The following LRRTM3 variants were observed in gnomAD, a reference collection of about 807,000 sequenced individuals.
LRRTM3 encodes leucine-rich repeat transmembrane neuronal protein 3.
A neutral mutation model predicts 44.7 loss-of-function variants in LRRTM3; 24 were observed. The observed-to-expected ratio is 0.54, with a 90% CI of 0.39 to 0.76. The LOEUF is 0.76. Ranked by LOEUF, LRRTM3 falls within the 30% of genes least tolerant of loss-of-function variation. The probability of loss-of-function intolerance (pLI) is 0.00; values close to 1 mark genes in which losing one functional copy is unlikely to be tolerated. For synonymous variants in LRRTM3, 277 were observed against 278.7 expected (o/e 0.99, Z 0.06); for missense variants, 587 against 702.2 (o/e 0.84, Z 1.85).
intron 2 of LRRTM3, among the ~76,000 whole-genome samples, chr10:67,022,749 AAC>A (rs1312530745): frequency 1.3e-5 from 2 of 152,066 alleles, no homozygotes; most frequent in Admixed American, 1.3e-4. Flanking sequence ...CATCCTGACT[AAC>A]ACAGTGAAAC....
chr10:66,970,502 T>TGGGGGGGGGG (rs11367465), intron 2 of LRRTM3, among the ~76,000 whole-genome samples: 2 of 138,514 alleles, frequency 1.4e-5, no homozygotes, highest in African/African-American at 2.6e-5. Context: ...TATTCTTGGG[T>TGGGGGGGGGG]GGGGGGGGGA....
At chr10:67,042,672 A>C (rs1854477192) in intron 2 of LRRTM3, among the ~76,000 whole-genome samples, 2 of 152,030 alleles carry the variant, frequency 1.3e-5, no homozygotes, top group African/African-American at 4.8e-5. Context: ...AGGAAAGGTA[A>C]GAGTGGGGAA....
At chr10:67,070,724 C>G (rs1856400915) in intron 2 of LRRTM3, among the ~76,000 whole-genome samples, 2 of 150,162 alleles carry the variant, frequency 1.3e-5, no homozygotes, top group Admixed American at 1.3e-4. Flanking sequence ...TCCAGCCTGG[C>G]AACAGAGCAA....
chr10:66,933,824 T>C (rs771778637), intron 2 of LRRTM3, among the ~76,000 whole-genome samples: 24 of 152,190 alleles, frequency 1.6e-4, no homozygotes, highest in Non-Finnish European at 3.1e-4. Flanking sequence ...CTCCGCTGGA[T>C]GTAGCTGCTC....
At chr10:67,091,695 T>C (rs1267568397) in intron 2 of LRRTM3, among the ~76,000 whole-genome samples, 1 of 151,672 alleles carries the variant, frequency 6.6e-6, no homozygotes, top group Non-Finnish European at 1.5e-5. Flanking sequence ...GTAACAGAGA[T>C]GAGAGATGTG....
intron 2 of LRRTM3, 64 bp from the exon 3 acceptor site, chr10:67,097,523 A>G (rs1858077645): frequency 6.9e-7 from 1 of 1,456,212 alleles, no homozygotes; most frequent in African/African-American, 1.4e-5. Context: ...TTCAGTCTCT[A>G]AATCTTTCCC....
In LRRTM3 at chr10:67,097,833, T is replaced by G. The variant is rs910431491; in HGVS notation, c.*37T>G. 6.3e-7 allele frequency: 1 copy of G among 1,590,770 alleles called. No homozygotes were observed. The highest frequency in any genetic ancestry group is 1.1e-5 in the South Asian group (1 of 90,480). Reference sequence around the variant, plus strand: ...GGTAGCCAGGGGTTGCTACCAAACTTTGTAACCTCAAGGACAAAATGAGGA... The same window carrying G: ...GGTAGCCAGGGGTTGCTACCAAACTGTGTAACCTCAAGGACAAAATGAGGA... On this transcript the variant is annotated 3_prime_UTR_variant, in exon 3 of 3. Transcript: ENST00000361320.
intron 2 of LRRTM3, among the ~76,000 whole-genome samples, chr10:67,050,202 C>T (rs1029703743): frequency 2.0e-5 from 3 of 152,206 alleles, no homozygotes; most frequent in Non-Finnish European, 4.4e-5. Flanking sequence ...GAAGAATCTG[C>T]AATGCAGATA....
chr10:67,086,468 G>T (rs992278079), intron 2 of LRRTM3, among the ~76,000 whole-genome samples: 1 of 151,990 alleles, frequency 6.6e-6, no homozygotes, highest in Non-Finnish European at 1.5e-5. Flanking sequence ...AAGCCTGTTT[G>T]GATGTCAGCT....
intron 2 of LRRTM3, chr10:67,012,918 C>T (rs550200028): frequency 2.0e-4 from 31 of 152,150 alleles, no homozygotes; most frequent in African/African-American, 6.0e-4. Flanking sequence ...AGCAAAGACA[C>T]GCCATTTTCA....
chr10:67,044,169 T>C (rs576265058), intron 2 of LRRTM3, among the ~76,000 whole-genome samples: 1 of 152,170 alleles, frequency 6.6e-6, no homozygotes, highest in East Asian at 1.9e-4. Context: ...TGGCTAGCTC[T>C]CACTTATAAG....
chr10:67,046,690 A>G (rs1245542138), intron 2 of LRRTM3, among the ~76,000 whole-genome samples: 1 of 152,188 alleles, frequency 6.6e-6, no homozygotes, highest in Non-Finnish European at 1.5e-5. Flanking sequence ...ACATTGGCAC[A>G]GGAGAAGATA....
chr10:67,016,658 G>A (rs1852677819), intron 2 of LRRTM3, among the ~76,000 whole-genome samples: 1 of 152,140 alleles, frequency 6.6e-6, no homozygotes, highest in Non-Finnish European at 1.5e-5. Flanking sequence ...ATTTTTGGGG[G>A]AAAGGCACCT....
At chr10:67,071,823 T>A (rs1284317076) in intron 2 of LRRTM3, among the ~76,000 whole-genome samples, 1 of 152,212 alleles carries the variant, frequency 6.6e-6, no homozygotes, top group Non-Finnish European at 1.5e-5. Flanking sequence ...ATGCTTTGAG[T>A]ATTTTTTCAG....
intron 2 of LRRTM3, chr10:67,055,163 C>G (rs1319223872): frequency 6.6e-6 from 1 of 152,158 alleles, no homozygotes; most frequent in Admixed American, 6.5e-5. Flanking sequence ...ATCTTTGAGA[C>G]AGCTGCATAG....
At chr10:66,985,001 C>G (rs942160725) in intron 2 of LRRTM3, among the ~76,000 whole-genome samples, 22 of 152,102 alleles carry the variant, frequency 1.4e-4, no homozygotes, top group African/African-American at 5.3e-4. Flanking sequence ...TACTGTTGAG[C>G]CAAAATATTT....
intron 2 of LRRTM3, among the ~76,000 whole-genome samples, chr10:66,934,854 G>A (rs568869913): frequency 6.6e-6 from 1 of 152,024 alleles, no homozygotes; most frequent in Non-Finnish European, 1.5e-5. Flanking sequence ...ATCTATGCAG[G>A]GTGGAAAATA....
intron 2 of LRRTM3, among the ~76,000 whole-genome samples, chr10:66,955,234 T>C (rs184434550): frequency 4.8e-4 from 71 of 146,846 alleles, no homozygotes; most frequent in African/African-American, 1.9e-3. Flanking sequence ...GGAAAATGGA[T>C]GTTATATACA....
intron 2 of LRRTM3, among the ~76,000 whole-genome samples, chr10:66,988,035 T>G (rs1850830443): frequency 6.6e-6 from 1 of 152,154 alleles, no homozygotes; most frequent in Non-Finnish European, 1.5e-5. Context: ...TTAATATAAT[T>G]TAGTCTTTTT....
Sources: allele counts gnomAD v4.1 joint callset (sites outside exome capture counted in the v4.1 genomes callset), GRCh38; gene constraint gnomAD v4.1.1; transcripts MANE v1.5; gene names NCBI Gene and HGNC (gene_info 2026-07-23, HGNC 2026-07-21).